The following KLRG1 variants were observed in gnomAD, a reference collection of about 807,000 sequenced individuals.
KLRG1 encodes killer cell lectin like receptor G1.
A neutral mutation model predicts 21.8 loss-of-function variants in KLRG1; 16 were observed. The ratio of observed to expected loss-of-function variants is 0.73; its 90% CI spans 0.50 to 1.11. KLRG1 has a LOEUF of 1.11. KLRG1 is among the 50% of genes most tolerant of loss of function. The pLI, the probability that KLRG1 is intolerant of heterozygous loss-of-function variation, is 0.00. For missense variants in KLRG1, 173 were observed against 218.3 expected, an observed-to-expected ratio of 0.79 and a Z score of 1.31; for synonymous variants, 69 against 75.9, an observed-to-expected ratio of 0.91 and a Z score of 0.47.
the KLRG1 span, chr12:9,074,463 C>T: frequency 1.3e-5 from 15 of 1,183,740 alleles, no homozygotes; most frequent in South Asian, 1.7e-4. Flanking sequence ...AAGTTACTGT[C>T]ATCTGTATTT....
At chr12:9,110,309 C>T in the KLRG1 span, 1 of 1,466,648 alleles carries the variant, frequency 6.8e-7, no homozygotes, top group Non-Finnish European at 9.2e-7. Context: ...TTTCATGTTG[C>T]TTACCTGAAT....
At chr12:9,017,054 A>T in the KLRG1 span, among the ~76,000 whole-genome samples, 8 of 152,036 alleles carry the variant, frequency 5.3e-5, no homozygotes, top group African/African-American at 1.9e-4. Flanking sequence ...TCGCAAGGTC[A>T]GGAGTTCAAG....
At chr12:9,104,341 T>G in the KLRG1 span, 3 of 1,608,896 alleles carry the variant, frequency 1.9e-6, no homozygotes, top group Admixed American at 3.4e-5. Context: ...TTGCTTCATT[T>G]CCTCTGATGA....
At chr12:8,990,268 T>C (rs1293585189) in intron 1 of KLRG1, 1 of 152,072 alleles carries the variant, frequency 6.6e-6, no homozygotes, top group Non-Finnish European at 1.5e-5. Context: ...CAGATAATAG[T>C]CTCTGTGACT....
the KLRG1 span, among the ~76,000 whole-genome samples, chr12:9,174,476 A>G: frequency 2.0e-5 from 3 of 152,338 alleles, no homozygotes; most frequent in African/African-American, 2.4e-5. Flanking sequence ...GGCCAGGGCA[A>G]TCAGGCAAGA....
the KLRG1 span, chr12:9,200,793 T>G: frequency 2.3e-6 from 3 of 1,284,818 alleles, no homozygotes; most frequent in Non-Finnish European, 3.2e-6. Context: ...CTGACTCTAC[T>G]GCAAGTTCAA....
At chr12:9,164,747 T>C in the KLRG1 span, among the ~76,000 whole-genome samples, 1 of 152,300 alleles carries the variant, frequency 6.6e-6, no homozygotes, top group East Asian at 1.9e-4. Flanking sequence ...TACAAAGAGA[T>C]AAGTGCTATA....
chr12:9,090,311 T>C, the KLRG1 span: 2 of 1,613,282 alleles, frequency 1.2e-6, no homozygotes, highest in Admixed American at 1.7e-5. Flanking sequence ...CACTGCCATA[T>C]ACAATCTTTG....
the KLRG1 span, among the ~76,000 whole-genome samples, chr12:9,130,812 A>G: frequency 6.6e-6 from 1 of 151,410 alleles, no homozygotes; most frequent in Non-Finnish European, 1.5e-5. Flanking sequence ...ATGTAGTCCC[A>G]TTTATCTTTT....
chr12:9,046,809 C>A, the KLRG1 span, among the ~76,000 whole-genome samples: 8 of 152,130 alleles, frequency 5.3e-5, no homozygotes, highest in African/African-American at 1.9e-4. Context: ...AAAGGGAGAG[C>A]ATTTAAAGTC....
chr12:9,138,224 A>G, the KLRG1 span, among the ~76,000 whole-genome samples: 1 of 151,996 alleles, frequency 6.6e-6, no homozygotes, highest in South Asian at 2.1e-4. Flanking sequence ...TTTAACATGA[A>G]AGAATGTTGA....
At chr12:9,204,591 G>A in the KLRG1 span, among the ~76,000 whole-genome samples, 10 of 152,014 alleles carry the variant, frequency 6.6e-5, no homozygotes, top group African/African-American at 2.4e-4. Flanking sequence ...TTTTATCAAC[G>A]AGTTTGAAAA....
At chr12:9,160,164 A>T in the KLRG1 span, 3 of 1,109,020 alleles carry the variant, frequency 2.7e-6, no homozygotes, top group Admixed American at 4.5e-5. Context: ...TGTTATGGAT[A>T]GATCAAACAC....
chr12:8,972,324 A>T (rs1946583765), intron 1 of KLRG1, among the ~76,000 whole-genome samples: 1 of 151,972 alleles, frequency 6.6e-6, no homozygotes. Flanking sequence ...CTCCTGGCTA[A>T]TTTTTTGTAT....
the KLRG1 span, chr12:9,091,116 A>C: frequency 1.4e-6 from 2 of 1,458,674 alleles, no homozygotes; most frequent in Non-Finnish European, 1.9e-6. Flanking sequence ...TATTTTGCAT[A>C]CAAGAGTTTG....
chr12:9,147,735 G>A, the KLRG1 span, among the ~76,000 whole-genome samples: 54 of 152,160 alleles, frequency 3.5e-4, no homozygotes, highest in Middle Eastern at 0.01. Flanking sequence ...CTCCACTCTG[G>A]TATATCCACC....
At chr12:9,138,674 A>G in the KLRG1 span, among the ~76,000 whole-genome samples, 5 of 152,058 alleles carry the variant, frequency 3.3e-5, no homozygotes, top group Non-Finnish European at 7.4e-5. Context: ...TTAAATCTCC[A>G]TACTAATGAT....
the KLRG1 span, chr12:9,159,818 T>C: frequency 1.1e-6 from 1 of 889,160 alleles, no homozygotes; most frequent in Non-Finnish European, 1.7e-6. Context: ...ATTTCTTTTC[T>C]TTATAAATTA....
chr12:9,067,581 C>G, the KLRG1 span: 1 of 579,814 alleles, frequency 1.7e-6, no homozygotes, highest in Non-Finnish European at 3.2e-6. Flanking sequence ...ACCGACATCA[C>G]TGTATCATTT....
Sources: allele counts gnomAD v4.1 joint callset (sites outside exome capture counted in the v4.1 genomes callset), GRCh38; gene constraint gnomAD v4.1.1; transcripts MANE v1.5; gene names NCBI Gene and HGNC (gene_info 2026-07-23, HGNC 2026-07-21).